COG5: variants seen among roughly 807,000 people sequenced by gnomAD.
The protein encoded by COG5 is component of oligomeric golgi complex 5, also known as conserved oligomeric Golgi complex subunit 5.
COG5 carries 86 observed loss-of-function variants against 110.4 expected under a neutral mutation model. The observed-to-expected ratio is 0.78, with a 90% CI of 0.65 to 0.93. The LOEUF (loss-of-function observed/expected upper bound fraction) is 0.93. Among genes scored for constraint, COG5 ranks in the 40% least tolerant of loss-of-function variants. COG5 has a pLI of 0.00. For synonymous variants in COG5, 360 were observed against 334.6 expected (o/e 1.08, Z -0.83); for missense variants, 1,077 against 987.0 (o/e 1.09, Z -1.22).
intron 6 of COG5, among the ~76,000 whole-genome samples, chr7:107,435,775 G>A (rs766301871): frequency 1.3e-4 from 20 of 152,194 alleles, no homozygotes; most frequent in Non-Finnish European, 2.2e-4. Flanking sequence ...TTACCATATG[G>A]TCCACCAATT....
chr7:107,288,617 C>CA (rs2116848498), intron 12 of COG5, among the ~76,000 whole-genome samples: 1 of 152,064 alleles, frequency 6.6e-6, no homozygotes, highest in South Asian at 2.1e-4. Flanking sequence ...GATGTCTGCT[C>CA]AGATCCCTTG....
intron 5 of COG5, among the ~76,000 whole-genome samples, chr7:107,546,062 G>T (rs1289400753): frequency 1.3e-5 from 2 of 151,878 alleles, no homozygotes; most frequent in Non-Finnish European, 2.9e-5. Context: ...AATCAATAAA[G>T]GATGGATTTC....
chr7:107,462,729 T>C (rs1022649399), intron 6 of COG5, among the ~76,000 whole-genome samples: 1 of 152,008 alleles, frequency 6.6e-6, no homozygotes, highest in Non-Finnish European at 1.5e-5. Flanking sequence ...GACACAATGA[T>C]TGCCCAGACT....
intron 19 of COG5, among the ~76,000 whole-genome samples, chr7:107,224,824 A>G (rs1473360054): frequency 6.6e-6 from 1 of 152,210 alleles, no homozygotes; most frequent in Non-Finnish European, 1.5e-5. Flanking sequence ...GGGGCAAATC[A>G]CTAATGTCAA....
intron 6 of COG5, among the ~76,000 whole-genome samples, chr7:107,425,860 T>G (rs1470262295): frequency 1.3e-5 from 2 of 152,262 alleles, no homozygotes; most frequent in East Asian, 3.8e-4. Flanking sequence ...CCTCAAAATG[T>G]GAGCTTATTT....
intron 10 of COG5, among the ~76,000 whole-genome samples, chr7:107,345,571 T>C (rs938507207): frequency 1.1e-4 from 17 of 151,766 alleles, no homozygotes; most frequent in African/African-American, 4.1e-4. Flanking sequence ...GGTAGGGAAA[T>C]GGGAGGTGGT....
At chr7:107,431,041 C>T (rs1409235833) in intron 6 of COG5, among the ~76,000 whole-genome samples, 3 of 152,062 alleles carry the variant, frequency 2.0e-5, no homozygotes, top group Non-Finnish European at 4.4e-5. Context: ...AACAAACAAA[C>T]AGAAAACTAA....
At chr7:107,312,526 T>G (rs1463652271) in intron 11 of COG5, among the ~76,000 whole-genome samples, 1 of 152,116 alleles carries the variant, frequency 6.6e-6, no homozygotes, top group Non-Finnish European at 1.5e-5. Context: ...AACACTTCAT[T>G]TCTACTCTGA....
chr7:107,414,703 C>CTTTTTTTTTTTTTTTTTTTTTT (rs530323655), intron 6 of COG5, among the ~76,000 whole-genome samples: 2 of 61,676 alleles, frequency 3.2e-5, no homozygotes, highest in African/African-American at 4.4e-5. Flanking sequence ...CTCACTGTCC[C>CTTTTTTTTTTTTTTTTTTTTTT]TTTTTTTTTT....
At chr7:107,553,341 C>T (rs955861098) in intron 3 of COG5, among the ~76,000 whole-genome samples, 1 of 152,068 alleles carries the variant, frequency 6.6e-6, no homozygotes, top group Non-Finnish European at 1.5e-5. Flanking sequence ...GATATGTATC[C>T]CAGATTTCAA....
intron 14 of COG5, among the ~76,000 whole-genome samples, chr7:107,264,133 C>T (rs1398228589): frequency 1.3e-5 from 2 of 152,164 alleles, no homozygotes; most frequent in South Asian, 2.1e-4. Flanking sequence ...TCTATTTATG[C>T]CCACTCCCAT....
rs1253990680 is a variant in COG5, at chr7:107,258,350, CA to C, written c.1608del (p.Ile536MetfsTer14). 6.2e-7 allele frequency: 1 copy of C among 1,612,400 alleles called. No homozygotes were observed. The highest frequency in any genetic ancestry group is 2.2e-5 in the East Asian group (1 of 44,864). ...LSTQGDASQV[I>X]GPLTEGQRRN... ...CTTCTCTGTCCTTCAGTAAGAGGCC[CA>C]ATCACCTGACTTGCATCTCCTTGTG... On this transcript the variant is annotated frameshift_variant, in exon 15 of 22. Coordinates refer to ENST00000297135, the MANE Select transcript of COG5 (RefSeq NM_006348.5). LOFTEE classifies it high-confidence loss of function.
At chr7:107,468,163 T>A (rs1380914934) in intron 6 of COG5, among the ~76,000 whole-genome samples, 1 of 152,232 alleles carries the variant, frequency 6.6e-6, no homozygotes, top group Non-Finnish European at 1.5e-5. Flanking sequence ...GCCAACCGCC[T>A]AGTACAGCGT....
intron 5 of COG5, among the ~76,000 whole-genome samples, chr7:107,530,624 A>AAAAC (rs1563085270): frequency 7.0e-6 from 1 of 142,094 alleles, no homozygotes; most frequent in African/African-American, 2.9e-5. Context: ...AAAAAAAAAA[A>AAAAC]AACACAGTTT....
chr7:107,277,916 A>G (rs905616836), intron 14 of COG5, among the ~76,000 whole-genome samples: 1 of 152,202 alleles, frequency 6.6e-6, no homozygotes, highest in Non-Finnish European at 1.5e-5. Context: ...TTATAAGTAT[A>G]TAACGCACTC....
At chr7:107,530,436 T>C (rs1801114575) in intron 5 of COG5, among the ~76,000 whole-genome samples, 1 of 152,104 alleles carries the variant, frequency 6.6e-6, no homozygotes, top group Non-Finnish European at 1.5e-5. Context: ...ACCCCATTTC[T>C]ACTAAAAATA....
At chr7:107,447,571 A>G (rs982051681) in intron 6 of COG5, among the ~76,000 whole-genome samples, 5 of 152,218 alleles carry the variant, frequency 3.3e-5, no homozygotes, top group Non-Finnish European at 4.4e-5. Context: ...ACATATTTAC[A>G]TACAAACACA....
chr7:107,335,882 C>T (rs1358222922), intron 10 of COG5, among the ~76,000 whole-genome samples: 1 of 152,038 alleles, frequency 6.6e-6, no homozygotes, highest in Non-Finnish European at 1.5e-5. Flanking sequence ...AAGATCACTA[C>T]ATAATGAGAA....
At position 107,209,881 on chromosome 7, in the gene COG5, T is replaced by C. The variant is rs936080536; in HGVS notation, c.2375+645A>G. 9 of 985,668 alleles carry C rather than the reference T, an allele frequency of 9.1e-6. No homozygotes were observed. The African/African-American group carries it at 1.2e-4, about 13-fold the overall frequency. The allele number at this position is 985,668 out of a possible 1,614,324, so 61.1% of individuals were successfully genotyped here. ...CAGAGTGGTAAGGTAAAAATGGGAA[T>C]GTTTGGTGGCTGAGAGGTCTCTGGT... On this transcript the variant is annotated intron_variant, in intron 21 of 21. Coordinates refer to ENST00000297135, the MANE Select transcript of COG5 (RefSeq NM_006348.5).
Sources: allele counts gnomAD v4.1 joint callset (sites outside exome capture counted in the v4.1 genomes callset), GRCh38; gene constraint gnomAD v4.1.1; transcripts MANE v1.5; gene names NCBI Gene and HGNC (gene_info 2026-07-23, HGNC 2026-07-21).